Variants in SLC4A4 observed in about 807,000 individuals in gnomAD.
The protein encoded by SLC4A4 is electrogenic sodium bicarbonate cotransporter 1.
SLC4A4 carries 27 observed loss-of-function variants against 111.5 expected under a neutral mutation model. The observed-to-expected ratio is 0.24, with a 90% confidence interval of 0.18 to 0.33. The LOEUF (loss-of-function observed/expected upper bound fraction) is 0.33. SLC4A4 is among the 10% of genes least tolerant of loss of function. The pLI, the probability that SLC4A4 is intolerant of heterozygous loss-of-function variation, is 1.00. For missense variants in SLC4A4, 909 were observed against 1,315.5 expected (o/e 0.69, Z 4.78); for synonymous variants, 443 against 463.4 (o/e 0.96, Z 0.57).
intron 2 of SLC4A4, among the ~76,000 whole-genome samples, chr4:71,247,327 G>T (rs899068308): frequency 6.8e-6 from 1 of 147,432 alleles, no homozygotes; most frequent in African/African-American, 2.5e-5. Flanking sequence ...ATATAATTAT[G>T]ATAATAGATT....
intron 1 of SLC4A4, among the ~76,000 whole-genome samples, chr4:71,209,780 G>C (rs1426531673): frequency 6.6e-6 from 1 of 152,070 alleles, no homozygotes; most frequent in Non-Finnish European, 1.5e-5. Flanking sequence ...TGCTATTGTG[G>C]TGAGTTATGC....
At chr4:71,328,770 G>C (rs1727706059) in intron 3 of SLC4A4, among the ~76,000 whole-genome samples, 1 of 151,984 alleles carries the variant, frequency 6.6e-6, no homozygotes, top group Admixed American at 6.6e-5. Flanking sequence ...TCTTTTGGTT[G>C]TCTCTTCACT....
intron 2 of SLC4A4, among the ~76,000 whole-genome samples, chr4:71,249,043 G>A (rs1720877228): frequency 6.6e-6 from 1 of 152,024 alleles, no homozygotes; most frequent in Non-Finnish European, 1.5e-5. Context: ...TATTAATAGT[G>A]CTGTGCTCAG....
intron 1 of SLC4A4, among the ~76,000 whole-genome samples, chr4:71,086,664 G>A (rs1187056010): frequency 4.0e-5 from 6 of 151,890 alleles, no homozygotes; most frequent in Admixed American, 6.6e-5. Context: ...TGAGATAATC[G>A]TATGGTTTTT....
At chr4:71,275,012 A>G (rs548940532) in intron 3 of SLC4A4, among the ~76,000 whole-genome samples, 20 of 152,212 alleles carry the variant, frequency 1.3e-4, no homozygotes, top group African/African-American at 4.8e-4. Context: ...AGGCCAAATG[A>G]CCCCTTCTTG....
chr4:71,130,999 C>T (rs1261196442), intron 2 of SLC4A4, among the ~76,000 whole-genome samples: 1 of 152,122 alleles, frequency 6.6e-6, no homozygotes, highest in Admixed American at 6.6e-5. Context: ...AGAATGTAAT[C>T]CCCATGATGA....
intron 18 of SLC4A4, among the ~76,000 whole-genome samples, chr4:71,540,577 T>C (rs1373204000): frequency 1.3e-5 from 2 of 152,142 alleles, no homozygotes; most frequent in African/African-American, 2.4e-5. Context: ...GGAACACTTG[T>C]GTTAGATGTT....
At chr4:71,497,313 A>G (rs1578044877) in intron 15 of SLC4A4, among the ~76,000 whole-genome samples, 188 bp from the exon 16 acceptor site, 1 of 152,052 alleles carries the variant, frequency 6.6e-6, no homozygotes, top group Non-Finnish European at 1.5e-5. Context: ...ATTTTCAACA[A>G]TTGCCACCCT....
chr4:71,187,153 G>GC (rs1745493195), upstream of SLC4A4: 1 of 151,870 alleles, frequency 6.6e-6, no homozygotes, highest in Non-Finnish European at 1.5e-5. Context: ...GGTGACTGGC[G>GC]CCCCGCTCGC....
intron 13 of SLC4A4, among the ~76,000 whole-genome samples, chr4:71,468,299 T>C (rs1403231338): frequency 6.6e-6 from 1 of 152,078 alleles, no homozygotes; most frequent in East Asian, 1.9e-4. Context: ...AACAAGGATG[T>C]ACTATAAACA....
intron 18 of SLC4A4, among the ~76,000 whole-genome samples, chr4:71,545,060 C>A (rs148039678): frequency 2.1e-3 from 326 of 152,182 alleles, no homozygotes; most frequent in African/African-American, 7.6e-3. Context: ...TTACACCACT[C>A]TCAATTCAAA....
At chr4:71,272,677 A>G (rs1722780472) in intron 3 of SLC4A4, among the ~76,000 whole-genome samples, 1 of 152,170 alleles carries the variant, frequency 6.6e-6, no homozygotes, top group African/African-American at 2.4e-5. Flanking sequence ...GTCGAGCTTT[A>G]TGTGCACAGT....
intron 2 of SLC4A4, among the ~76,000 whole-genome samples, chr4:71,134,242 G>A (rs1322699485): frequency 2.6e-5 from 4 of 152,202 alleles, no homozygotes; most frequent in Non-Finnish European, 5.9e-5. Flanking sequence ...AGCTTAGTCA[G>A]GCTGCTTGAA....
Position 71,156,588 on chromosome 4 carries a change from G to GCGCGCGCACGCACACA in SLC4A4, c.-2+63797_-2+63798insGCGCGCACGCACACAC, listed in dbSNP as rs376043069. ...TGTGCGCGCATGCGCGCGCGCGCGC[G>GCGCGCGCACGCACACA]CACACACACACACACACACACACAC... On this transcript the variant is annotated intron_variant, in intron 2 of 26. Coordinates refer to the SLC4A4 transcript ENST00000649996. 6.5e-5 allele frequency among the ~76,000 whole-genome samples: 9 copies of GCGCGCGCACGCACACA among 138,510 alleles called. 1 individual carries two copies. The highest frequency in any genetic ancestry group is 2.2e-4 in the African/African-American group (8 of 36,544). 90.9% of individuals were successfully genotyped at this position (138,510 alleles called of 152,430 possible).
At chr4:71,557,930 A>C in intron 22 of SLC4A4, 45 bp downstream of exon 22, 1 of 1,516,312 alleles carries the variant, frequency 6.6e-7, no homozygotes, top group South Asian at 1.1e-5. Flanking sequence ...TTATATGAGT[A>C]TCATGTGGTT....
intron 1 of SLC4A4, among the ~76,000 whole-genome samples, chr4:71,208,356 G>A (rs966232494): frequency 2.0e-5 from 3 of 151,568 alleles, no homozygotes; most frequent in South Asian, 2.1e-4. Flanking sequence ...GTGTGAACCC[G>A]GGAGGCGGAG....
At chr4:71,125,146 G>A (rs1743528055) in intron 2 of SLC4A4, among the ~76,000 whole-genome samples, 2 of 152,140 alleles carry the variant, frequency 1.3e-5, no homozygotes, top group Non-Finnish European at 2.9e-5. Flanking sequence ...TTTGATTTAT[G>A]TATAGGCAAG....
chr4:71,507,518 G>T lies in SLC4A4; in HGVS notation c.2166+9826G>T, dbSNP rs192950102. On this transcript the variant is annotated intron_variant, in intron 16 of 25. Transcript: ENST00000264485. ...CAAAAGGTATTACATAATGGTAAAG[G>T]GTTCAGTTCAACAAGAAGAGCTAAC... Among the ~76,000 whole-genome samples the T allele has an allele frequency of 1.7e-4, 26 of 152,252 alleles. 1 individual carries two copies. The East Asian group carries it at 5.0e-3, about 29-fold the overall frequency.
intron 18 of SLC4A4, among the ~76,000 whole-genome samples, chr4:71,543,111 C>T (rs1039375364): frequency 6.6e-6 from 1 of 152,050 alleles, no homozygotes; most frequent in South Asian, 2.1e-4. Flanking sequence ...AGAGGGAGTT[C>T]CCTAATGTGA....
Sources: gnomAD v4.1 joint callset for allele counts (sites outside exome capture counted in the v4.1 genomes callset) on GRCh38, gnomAD v4.1.1 for gene constraint, MANE v1.5 for transcripts, NCBI Gene and HGNC (gene_info 2026-07-23, HGNC 2026-07-21) for gene names.